Variants in GRIK1 observed in about 807,000 individuals in gnomAD.
GRIK1 encodes the protein glutamate receptor ionotropic, kainate 1.
Under a neutral mutation model 105.7 loss-of-function variants are expected in GRIK1, and 69 were observed. The ratio of observed to expected loss-of-function variants is 0.65; its 90% CI spans 0.54 to 0.80. The LOEUF is 0.80. GRIK1 is among the 30% of genes least tolerant of loss of function. The pLI, the probability that GRIK1 is intolerant of heterozygous loss-of-function variation, is 0.00. For synonymous variants in GRIK1, 438 were observed against 431.3 expected (o/e 1.02, Z -0.19); for missense variants, 1,109 against 1,167.3 (o/e 0.95, Z 0.73).
At chr21:29,754,006 C>T (rs982923650) in intron 1 of GRIK1, among the ~76,000 whole-genome samples, 2 of 152,080 alleles carry the variant, frequency 1.3e-5, no homozygotes, top group Non-Finnish European at 2.9e-5. Flanking sequence ...AGTTAGGTAT[C>T]CTTTACTAGG....
intron 1 of GRIK1, among the ~76,000 whole-genome samples, chr21:29,745,187 C>G (rs2065020568): frequency 6.6e-6 from 1 of 152,182 alleles, no homozygotes; most frequent in Non-Finnish European, 1.5e-5. Flanking sequence ...GCTCATATGG[C>G]AAGGGACTGG....
intron 1 of GRIK1, among the ~76,000 whole-genome samples, chr21:29,936,540 C>G (rs532993665): frequency 2.6e-5 from 4 of 152,340 alleles, no homozygotes; most frequent in Admixed American, 2.6e-4. Flanking sequence ...AGCAGCTCCA[C>G]ACAATTCCCA....
intron 1 of GRIK1, among the ~76,000 whole-genome samples, chr21:29,830,366 C>T (rs2067598151): frequency 7.2e-6 from 1 of 139,204 alleles, no homozygotes; most frequent in Non-Finnish European, 1.6e-5. Flanking sequence ...CACACACTCA[C>T]ACACATATTC....
intron 1 of GRIK1, among the ~76,000 whole-genome samples, chr21:29,768,162 A>G (rs1338297088): frequency 1.3e-5 from 2 of 152,124 alleles, no homozygotes; most frequent in Non-Finnish European, 2.9e-5. Context: ...TTTATGGGGA[A>G]GATGTTCTTC....
Position 29,675,129 on chromosome 21 carries a change from C to T in GRIK1, c.545-1965G>A, listed in dbSNP as rs1568961679. 2.0e-5 allele frequency among the ~76,000 whole-genome samples: 3 copies of T among 152,136 alleles called. No individual in the cohort carries two copies. In the South Asian group the frequency reaches 6.2e-4, roughly 31 times the overall value. ...TTATTTAAATGAGGAATTCAGGGCC[C>T]AGAGTAGTTAAGTAACTTACAAAGA... is the stretch of plus-strand genomic sequence containing the variant. On this transcript the variant is annotated intron_variant, in intron 3 of 17. Coordinates refer to ENST00000327783, the MANE Select transcript of GRIK1 (RefSeq NM_001330994.2).
chr21:29,866,868 A>T (rs2068820250), intron 1 of GRIK1, among the ~76,000 whole-genome samples: 1 of 152,228 alleles, frequency 6.6e-6, no homozygotes, highest in South Asian at 2.1e-4. Context: ...AGAGAAAAAC[A>T]AATTTCATCA....
chr21:29,688,443 A>G (rs2063525525), intron 3 of GRIK1, among the ~76,000 whole-genome samples: 1 of 152,158 alleles, frequency 6.6e-6, no homozygotes, highest in Non-Finnish European at 1.5e-5. Context: ...GTTTCACTTT[A>G]CTAACTTTCA....
At chr21:29,620,203 A>C (rs1201336155) in intron 7 of GRIK1, among the ~76,000 whole-genome samples, 4 of 152,330 alleles carry the variant, frequency 2.6e-5, no homozygotes, top group South Asian at 4.1e-4. Context: ...AGGGACCCAG[A>C]CCATCTTGAA....
At chr21:29,761,726 TC>T (rs1473137704) in intron 1 of GRIK1, among the ~76,000 whole-genome samples, 8 of 151,180 alleles carry the variant, frequency 5.3e-5, no homozygotes, top group Non-Finnish European at 5.9e-5. Context: ...TTTCTTTCCT[TC>T]CTTCCTTCTT....
chr21:29,908,764 G>A (rs1046277475), intron 1 of GRIK1, among the ~76,000 whole-genome samples: 22 of 152,196 alleles, frequency 1.4e-4, no homozygotes, highest in African/African-American at 5.1e-4. Context: ...ATTACAACTC[G>A]ATTTTTCCAT....
Position 29,905,099 on chromosome 21 carries a change from AC to A in GRIK1, c.118+34283del, listed in dbSNP as rs1395960355. On this transcript the variant is annotated intron_variant, in intron 1 of 17. Coordinates refer to ENST00000327783, the MANE Select transcript of GRIK1 (RefSeq NM_001330994.2). The stretch of plus-strand genomic sequence containing the variant: ...AGAGGGTCAGAGTGCCATTATTTAA[AC>A]CAACTCATTTTAAACCTGGATCAAA... 3.9e-5 allele frequency among the ~76,000 whole-genome samples: 6 copies of A among 152,316 alleles called. No homozygotes were observed. The East Asian group carries it at 1.2e-3, about 29-fold the overall frequency.
chr21:29,598,968 G>A (rs1441887189), intron 7 of GRIK1, 31 bp from the exon 8 acceptor site: 3 of 953,644 alleles, frequency 3.1e-6, no homozygotes, highest in Non-Finnish European at 5.0e-6. Flanking sequence ...GGCTGTTATT[G>A]TTAAACATTT....
At chr21:29,732,720 G>A (rs2064668227) in intron 1 of GRIK1, among the ~76,000 whole-genome samples, 1 of 152,116 alleles carries the variant, frequency 6.6e-6, no homozygotes, top group East Asian at 1.9e-4. Context: ...ATGTATTTGT[G>A]GATATGCTAG....
At chr21:29,861,700 CT>C (rs1484869020) in intron 1 of GRIK1, 1 of 452,828 alleles carries the variant, frequency 2.2e-6, no homozygotes, top group Non-Finnish European at 4.4e-6. Context: ...AATGTATTTT[CT>C]GCATAAATGT....
At chr21:29,863,892 G>A (rs911769263) in intron 1 of GRIK1, among the ~76,000 whole-genome samples, 1 of 152,010 alleles carries the variant, frequency 6.6e-6, no homozygotes, top group Non-Finnish European at 1.5e-5. Flanking sequence ...TCTCAATAAG[G>A]CCAAGCACAT....
intron 1 of GRIK1, among the ~76,000 whole-genome samples, chr21:29,867,807 A>AGAAAGAAT (rs2068849854): frequency 6.9e-6 from 1 of 143,908 alleles, no homozygotes; most frequent in African/African-American, 2.7e-5. Flanking sequence ...GAAGAAAGAA[A>AGAAAGAAT]GAAAGAAAGA....
chr21:29,688,607 A>C (rs1342314474), intron 3 of GRIK1, among the ~76,000 whole-genome samples: 1 of 152,226 alleles, frequency 6.6e-6, no homozygotes, highest in Non-Finnish European at 1.5e-5. Context: ...TACGACAGGT[A>C]GCAGATTATA....
intron 15 of GRIK1, 150 bp downstream of exon 15, chr21:29,561,474 T>C: frequency 5.0e-6 from 3 of 594,802 alleles, no homozygotes; most frequent in Admixed American, 2.9e-5. Flanking sequence ...AGACTATGTC[T>C]CTGATCTATA....
At chr21:29,863,921 G>T (rs186664773) in intron 1 of GRIK1, among the ~76,000 whole-genome samples, 8 of 151,856 alleles carry the variant, frequency 5.3e-5, no homozygotes, top group African/African-American at 1.9e-4. Flanking sequence ...TTATTAGTTC[G>T]GTTTTTTCCC....
Sources: allele counts gnomAD v4.1 joint callset (sites outside exome capture counted in the v4.1 genomes callset), GRCh38; gene constraint gnomAD v4.1.1; transcripts MANE v1.5; gene names NCBI Gene and HGNC (gene_info 2026-07-23, HGNC 2026-07-21).